TGFB2: variants seen among roughly 807,000 people sequenced by gnomAD.
TGFB2 encodes transforming growth factor beta-2 proprotein.
In TGFB2, 13 loss-of-function variants were observed where a neutral mutation model predicts 42.7. The ratio of observed to expected loss-of-function variants is 0.30; its 90% CI spans 0.20 to 0.48. TGFB2 has a LOEUF of 0.48. Ranked by LOEUF, TGFB2 falls within the 20% of genes least tolerant of loss-of-function variation. The pLI is 0.99. For missense variants in TGFB2, 390 were observed against 517.5 expected (o/e 0.75, Z 2.39); for synonymous variants, 193 against 193.6 (o/e 1.00, Z 0.03).
At chr1:218,409,665 GAA>G (rs11284588) in intron 2 of TGFB2, among the ~76,000 whole-genome samples, 3 of 148,744 alleles carry the variant, frequency 2.0e-5, no homozygotes, top group Admixed American at 6.7e-5. Context: ...TATTATTTTG[GAA>G]AAAAAAAACA....
chr1:218,356,347 G>A lies in TGFB2; in HGVS notation c.346+9300G>A, dbSNP rs559485211. ...TCCTCCTGCCTCAGCCTCTACAATAGTTGGGACCACAGGCATGCACCACCA... is the reference window on the plus strand; with the variant it reads ...TCCTCCTGCCTCAGCCTCTACAATAATTGGGACCACAGGCATGCACCACCA... On this transcript the variant is annotated intron_variant, in intron 1 of 6. Coordinates refer to ENST00000366930, the MANE Select transcript of TGFB2 (RefSeq NM_003238.6). Among the ~76,000 whole-genome samples, 8 of 151,922 alleles carry A rather than the reference G, an allele frequency of 5.3e-5. No homozygotes were observed. The East Asian group carries it at 1.6e-3, about 29-fold the overall frequency.
chr1:218,357,975 C>G (rs1571832144), intron 1 of TGFB2, among the ~76,000 whole-genome samples: 1 of 152,192 alleles, frequency 6.6e-6, no homozygotes, highest in African/African-American at 2.4e-5. Flanking sequence ...GTGACTGTGA[C>G]TTTGGCTCTG....
chr1:218,359,004 C>T (rs1000742326), intron 1 of TGFB2, among the ~76,000 whole-genome samples: 2 of 152,112 alleles, frequency 1.3e-5, no homozygotes, highest in African/African-American at 4.8e-5. Context: ...AGAGGTCAGT[C>T]AGGGCTTTCT....
chr1:218,437,437 G>A lies in TGFB2; in HGVS notation c.1027G>A (p.Ala343Thr), dbSNP rs779554274. 1.1e-5 allele frequency: 18 copies of A among 1,613,334 alleles called. No individual in the cohort carries two copies. Among genetic ancestry groups the A allele is most frequent in the Non-Finnish European group, 1.5e-5 (18 of 1,179,810 alleles). The change falls in exon 6 of 7, where the codon GCC (alanine) becomes ACC (threonine). Residue 343 changes from alanine (A) to threonine (T), a missense_variant. Transcript: ENST00000366930. ...KWIHEPKGYNANFCAGACPYL... is the reference protein window; with the variant it reads ...KWIHEPKGYNTNFCAGACPYL... ...GATACACGAACCCAAAGGGTACAAT[G>A]CCAACTTCTGTGCTGGAGCATGCCC...
intron 1 of TGFB2, among the ~76,000 whole-genome samples, chr1:218,375,373 T>C (rs75483211): frequency 6.6e-6 from 1 of 150,880 alleles, no homozygotes; most frequent in African/African-American, 2.4e-5. Flanking sequence ...ATCCTGACTG[T>C]GTAACATCGA....
At chr1:218,385,680 C>T (rs1658111474) in intron 1 of TGFB2, among the ~76,000 whole-genome samples, 1 of 152,170 alleles carries the variant, frequency 6.6e-6, no homozygotes, top group Non-Finnish European at 1.5e-5. Flanking sequence ...TAGCAGGGGC[C>T]TCCTAGTGTG....
chr1:218,374,845 G>T (rs1657689051), intron 1 of TGFB2, among the ~76,000 whole-genome samples: 2 of 152,078 alleles, frequency 1.3e-5, no homozygotes, highest in Non-Finnish European at 2.9e-5. Context: ...AGTTATAAAG[G>T]GACATTTAGG....
At chr1:218,433,686 T>C (rs370202750) in intron 2 of TGFB2, among the ~76,000 whole-genome samples, 107 of 152,304 alleles carry the variant, frequency 7.0e-4, no homozygotes, top group South Asian at 6.4e-3. Context: ...ACTTCTCCTC[T>C]TGTCCCTTCC....
intron 1 of TGFB2, among the ~76,000 whole-genome samples, chr1:218,394,423 C>CA (rs1658428440): frequency 6.6e-6 from 1 of 152,126 alleles, no homozygotes; most frequent in South Asian, 2.1e-4. Flanking sequence ...CCATGTCTGA[C>CA]ACAGTTCAAG....
intron 2 of TGFB2, among the ~76,000 whole-genome samples, chr1:218,420,621 T>C (rs1293365112): frequency 2.6e-5 from 4 of 152,174 alleles, no homozygotes; most frequent in Admixed American, 2.6e-4. Context: ...TGTGTGTGTG[T>C]GCATGTGTGT....
At chr1:218,388,329 C>T (rs1201352585) in intron 1 of TGFB2, among the ~76,000 whole-genome samples, 2 of 137,334 alleles carry the variant, frequency 1.5e-5, no homozygotes, top group African/African-American at 3.0e-5. Context: ...CACAGTTGGC[C>T]CCCCCACATC....
At chr1:218,420,900 C>T (rs1037048565) in intron 2 of TGFB2, among the ~76,000 whole-genome samples, 3 of 152,154 alleles carry the variant, frequency 2.0e-5, no homozygotes, top group African/African-American at 7.2e-5. Context: ...GACTGAAGGC[C>T]CTCGTGAAGC....
At chr1:218,369,250 G>T (rs6671174) in intron 1 of TGFB2, among the ~76,000 whole-genome samples, 1 of 86,710 alleles carries the variant, frequency 1.2e-5, no homozygotes, top group Admixed American at 1.9e-4. Context: ...GCAAGATTCC[G>T]TCTCAGAAAA....
intron 1 of TGFB2, among the ~76,000 whole-genome samples, chr1:218,361,817 G>C (rs10482731): frequency 0.021 from 3,218 of 152,288 alleles, 98 homozygotes; most frequent in African/African-American, 0.071. Context: ...CTTCCTGTAA[G>C]ACTGTGGAGA....
chr1:218,385,922 C>T (rs1658119981), intron 1 of TGFB2, among the ~76,000 whole-genome samples: 1 of 152,050 alleles, frequency 6.6e-6, no homozygotes, highest in Non-Finnish European at 1.5e-5. Context: ...TCCCCCAAAC[C>T]AGAATAAGTT....
At chr1:218,359,503 C>A (rs1657145670) in intron 1 of TGFB2, among the ~76,000 whole-genome samples, 1 of 152,142 alleles carries the variant, frequency 6.6e-6, no homozygotes, top group African/African-American at 2.4e-5. Context: ...AGAAGAATTC[C>A]ACTGTCAGAA....
At chr1:218,361,035 A>T (rs1281352172) in intron 1 of TGFB2, among the ~76,000 whole-genome samples, 1 of 152,202 alleles carries the variant, frequency 6.6e-6, no homozygotes, top group South Asian at 2.1e-4. Flanking sequence ...TTGTATTTTT[A>T]GTAGAGACGG....
At chr1:218,390,030 A>G (rs994570365) in intron 1 of TGFB2, among the ~76,000 whole-genome samples, 29 of 152,050 alleles carry the variant, frequency 1.9e-4, no homozygotes, top group African/African-American at 6.8e-4. Flanking sequence ...TATATGTACC[A>G]CTCCACTATG....
At chr1:218,435,920 T>C in intron 4 of TGFB2, 50 bp from the exon 5 acceptor site, 1 of 1,541,912 alleles carries the variant, frequency 6.5e-7, no homozygotes, top group Non-Finnish European at 8.8e-7. Flanking sequence ...GCTGACTATA[T>C]TTGATGAAGG....
Sources: allele counts gnomAD v4.1 joint callset (sites outside exome capture counted in the v4.1 genomes callset), GRCh38; gene constraint gnomAD v4.1.1; transcripts MANE v1.5; gene names NCBI Gene and HGNC (gene_info 2026-07-23, HGNC 2026-07-21).